SIL1: variants seen among roughly 807,000 people sequenced by gnomAD.
The protein encoded by SIL1 is nucleotide exchange factor SIL1.
SIL1 carries 40 observed loss-of-function variants against 49.1 expected under a neutral mutation model. That is an observed-to-expected ratio of 0.81 (90% CI 0.63 to 1.06). The LOEUF (loss-of-function observed/expected upper bound fraction) is 1.06. Among genes scored for constraint, SIL1 ranks in the 50% least tolerant of loss-of-function variants. The pLI is 0.00. For synonymous variants in SIL1, 253 were observed against 250.8 expected, an observed-to-expected ratio of 1.01 and a Z score of -0.08; for missense variants, 500 against 572.6, an observed-to-expected ratio of 0.87 and a Z score of 1.29.
chr5:138,951,392 G>T, intron 8 of SIL1, 57 bp from the exon 9 acceptor site: 1 of 1,536,040 alleles, frequency 6.5e-7, no homozygotes, highest in Non-Finnish European at 8.8e-7. Flanking sequence ...CCTGCCCTGA[G>T]GCCCAGGGAA....
At chr5:139,105,787 G>C (rs1770693637) in intron 3 of SIL1, among the ~76,000 whole-genome samples, 1 of 152,350 alleles carries the variant, frequency 6.6e-6, no homozygotes. Context: ...GTTCCCAAAA[G>C]GGGTGGAGAG....
At chr5:139,100,888 T>C (rs1174883671) in intron 3 of SIL1, among the ~76,000 whole-genome samples, 2 of 151,920 alleles carry the variant, frequency 1.3e-5, no homozygotes, top group East Asian at 1.9e-4. Flanking sequence ...AGTAGGCAGA[T>C]GGATCTGAAG....
intron 9 of SIL1, 47 bp downstream of exon 9, chr5:138,951,124 C>T: frequency 6.3e-7 from 1 of 1,593,626 alleles, no homozygotes; most frequent in Non-Finnish European, 8.6e-7. Context: ...CACCCAGAAG[C>T]ACACACAAAG....
chr5:139,072,695 G>C (rs1769859710), intron 3 of SIL1, among the ~76,000 whole-genome samples: 1 of 152,018 alleles, frequency 6.6e-6, no homozygotes, highest in Non-Finnish European at 1.5e-5. Context: ...GGCATCAAAA[G>C]CAAAAATAGA....
Position 139,100,764 on chromosome 5 carries a change from T to C in SIL1, c.244+20271A>G, listed in dbSNP as rs74835448. Among the ~76,000 whole-genome samples, 240 of 152,062 alleles carry C rather than the reference T, an allele frequency of 1.6e-3. 1 individual carries two copies. Among genetic ancestry groups the C allele is most frequent in the African/African-American group, 5.2e-3 (216 of 41,484 alleles). ...AAGGGGTCGAGAATGACTGTGAGGA[T>C]TTTGACCTGAAAAATTAAAGGGATA... On this transcript the variant is annotated intron_variant, in intron 3 of 9. Coordinates refer to ENST00000394817, the MANE Select transcript of SIL1 (RefSeq NM_022464.5).
chr5:139,002,270 G>A (rs1223514410), intron 7 of SIL1, among the ~76,000 whole-genome samples: 1 of 151,888 alleles, frequency 6.6e-6, no homozygotes, highest in African/African-American at 2.4e-5. Context: ...ACCTCCGGGG[G>A]TGAACAAAGG....
chr5:139,112,785 C>T (rs954092333), intron 3 of SIL1, among the ~76,000 whole-genome samples: 7 of 152,142 alleles, frequency 4.6e-5, no homozygotes, highest in South Asian at 2.1e-4. Context: ...GCCACCACCC[C>T]GTCTGGGAGG....
At chr5:139,175,728 C>T (rs969736378) in intron 1 of SIL1, among the ~76,000 whole-genome samples, 3 of 152,112 alleles carry the variant, frequency 2.0e-5, no homozygotes, top group Admixed American at 1.3e-4. Context: ...TTCGGGAGGC[C>T]GAGGCAGGCA....
chr5:139,173,421 G>A (rs1460361361), intron 1 of SIL1, among the ~76,000 whole-genome samples: 1 of 151,898 alleles, frequency 6.6e-6, no homozygotes, highest in East Asian at 1.9e-4. Context: ...GTGATGACAG[G>A]AGCCTATAAT....
chr5:139,066,009 C>A (rs1769696630), intron 3 of SIL1, among the ~76,000 whole-genome samples: 1 of 152,186 alleles, frequency 6.6e-6, no homozygotes, highest in Admixed American at 6.5e-5. Flanking sequence ...AACTTCAGGA[C>A]CTCAGCATTC....
chr5:139,123,680 G>A (rs1750698663), intron 2 of SIL1, among the ~76,000 whole-genome samples: 1 of 152,140 alleles, frequency 6.6e-6, no homozygotes, highest in African/African-American at 2.4e-5. Context: ...GGCCAGGCAG[G>A]GATGCAGGGA....
chr5:139,163,966 A>C (rs1751567610), intron 1 of SIL1, among the ~76,000 whole-genome samples: 1 of 152,080 alleles, frequency 6.6e-6, no homozygotes, highest in Non-Finnish European at 1.5e-5. Flanking sequence ...TAAAAATACA[A>C]ACATTAGCTG....
chr5:139,052,355 G>A (rs1769309615), intron 3 of SIL1, among the ~76,000 whole-genome samples: 1 of 152,114 alleles, frequency 6.6e-6, no homozygotes. Flanking sequence ...GTATATAGAA[G>A]TATGTGCATA....
intron 7 of SIL1, among the ~76,000 whole-genome samples, chr5:139,007,457 T>C (rs1410124289): frequency 8.4e-6 from 1 of 119,718 alleles, no homozygotes; most frequent in Non-Finnish European, 1.7e-5. Flanking sequence ...TTTATTTCCT[T>C]TTCCTGCCTA....
chr5:139,011,368 TC>T (rs1227575452), intron 7 of SIL1, among the ~76,000 whole-genome samples: 2 of 152,180 alleles, frequency 1.3e-5, no homozygotes, highest in Non-Finnish European at 2.9e-5. Flanking sequence ...TGTCTGGCAC[TC>T]CCTAGTGAGA....
At chr5:138,949,778 G>A (rs1489611254) in intron 9 of SIL1, among the ~76,000 whole-genome samples, 9 of 125,384 alleles carry the variant, frequency 7.2e-5, no homozygotes, top group Non-Finnish European at 1.1e-4. Flanking sequence ...GCCACTGGGT[G>A]ACAGAGAGAG....
At chr5:139,068,666 AAAAAAAAAG>A (rs1199872341) in intron 3 of SIL1, among the ~76,000 whole-genome samples, 4 of 147,388 alleles carry the variant, frequency 2.7e-5, no homozygotes, top group South Asian at 2.3e-4. Context: ...AAAAAAAAAA[AAAAAAAAAG>A]AAGAGAAAGC....
At position 138,983,683 on chromosome 5, in the gene SIL1, G is replaced by A. The variant is rs1411157887; in HGVS notation, c.768-31799C>T. Among the ~76,000 whole-genome samples, 7 of 151,806 alleles carry A rather than the reference G, an allele frequency of 4.6e-5. No homozygotes were observed. The East Asian group carries it at 7.8e-4, about 17-fold the overall frequency. ...CACTCTACCCTGCCCGGACTCCCAC[G>A]CTCCACCCCTCCCCAACACAGAACT... On this transcript the variant is annotated intron_variant, in intron 7 of 9. Transcript: ENST00000394817.
Position 139,025,410 on chromosome 5 carries a change from TGG to T in SIL1, c.645+1389_645+1390del, listed in dbSNP as rs371422315. On this transcript the variant is annotated intron_variant, in intron 6 of 9. Coordinates refer to ENST00000394817, the MANE Select transcript of SIL1 (RefSeq NM_022464.5). ...TGCCTCATTTTCCTCGGTTATAAAATGGGATTAATAGTGGTACCTACTCATAG... is the reference window on the plus strand; with the variant it reads ...TGCCTCATTTTCCTCGGTTATAAAATGATTAATAGTGGTACCTACTCATAG... Among the ~76,000 whole-genome samples, 1,294 of 152,222 alleles carry T rather than the reference TGG, an allele frequency of 8.5e-3. 20 individuals carry two copies. Among genetic ancestry groups the T allele is most frequent in the African/African-American group, 0.029 (1,223 of 41,512 alleles).
Sources: allele counts gnomAD v4.1 joint callset (sites outside exome capture counted in the v4.1 genomes callset), GRCh38; gene constraint gnomAD v4.1.1; transcripts MANE v1.5; gene names NCBI Gene and HGNC (gene_info 2026-07-23, HGNC 2026-07-21).